COL6A2: variants seen among roughly 807,000 people sequenced by gnomAD.
The protein encoded by COL6A2 is collagen type VI alpha 2 chain, also known as collagen alpha-2(VI) chain.
A neutral mutation model predicts 124.9 loss-of-function variants in COL6A2; 90 were observed. The observed-to-expected ratio is 0.72, with a 90% CI of 0.61 to 0.86. The LOEUF is 0.86. COL6A2 is among the 40% of genes least tolerant of loss of function. COL6A2 has a pLI of 0.00. For synonymous variants in COL6A2, 793 were observed against 618.2 expected (o/e 1.28, Z -4.19); for missense variants, 1,607 against 1,502.5 (o/e 1.07, Z -1.15).
At chr21:46,122,423 G>A in intron 19 of COL6A2, 73 bp from the exon 20 acceptor site, 1 of 1,594,472 alleles carries the variant, frequency 6.3e-7, no homozygotes, top group East Asian at 2.2e-5. Context: ...CGGGGCTGCA[G>A]AAAGCTGCCC....
rs938934956 is a variant in COL6A2 at position 46,116,411 on chromosome 21, T to C, written c.927+8T>C. 1.2e-6 allele frequency: 2 copies of C among 1,612,718 alleles called. No individual in the cohort carries two copies. Among genetic ancestry groups the C allele is most frequent in the South Asian group, 1.1e-5 (1 of 91,066 alleles). The stretch of plus-strand genomic sequence containing the variant: ...GGCTTCAAAGGAGAGAAGGTGAGGC[T>C]CTTGCCCTGACAGACCTCAGACCTG... On this transcript the variant is annotated splice_region_variant and intron_variant, in intron 8 of 27. Transcript: ENST00000300527. This position sits in a 1 kb window ranked among gnomAD's most constrained non-coding sequence, Gnocchi z 4.6.
In COL6A2 at chr21:46,132,220, T is replaced by C. The variant is rs554257211; in HGVS notation, c.2728T>C (p.Tyr910His). ...CCACGAGGCGCTGGAGACCACACAA[T>C]ACCTGAACTCCTTCTCGCACGTGGG... ...AIHEALETTQ[Y>H]LNSFSHVGAG... Residue 910 changes from tyrosine (Y) to histidine (H), a missense_variant, in exon 28 of 28, where the codon TAC becomes CAC. Coordinates refer to ENST00000300527, the MANE Select transcript of COL6A2 (RefSeq NM_001849.4). 15 of 1,595,090 alleles carry C rather than the reference T, an allele frequency of 9.4e-6. No individual in the cohort carries two copies. In the South Asian group the frequency reaches 1.5e-4, roughly 16 times the overall value.
intron 21 of COL6A2, among the ~76,000 whole-genome samples, chr21:46,123,624 G>A (rs889902908): frequency 2.0e-5 from 3 of 149,106 alleles, no homozygotes; most frequent in African/African-American, 7.3e-5. Flanking sequence ...TGGATTGCTG[G>A]ATGAGTGGGT....
At chr21:46,111,270 G>A (rs2078394484) in intron 1 of COL6A2, 180 bp from the exon 2 acceptor site, 2 of 559,480 alleles carry the variant, frequency 3.6e-6, no homozygotes, top group Non-Finnish European at 6.4e-6. Context: ...GGGGCAAGAG[G>A]GCGCAAGCCC....
At position 46,132,415 on chromosome 21, in the gene COL6A2, G is replaced by A. The variant is rs777494468; in HGVS notation, c.2923G>A (p.Ala975Thr). 8.7e-6 allele frequency: 14 copies of A among 1,607,504 alleles called. No individual in the cohort carries two copies. Among genetic ancestry groups the A allele is most frequent in the Non-Finnish European group, 1.0e-5 (12 of 1,177,624 alleles). ...RKQNVVPTVLALGSDVDMDVL... is the reference protein window; with the variant it reads ...RKQNVVPTVLTLGSDVDMDVL... ...GCAGAACGTGGTACCCACCGTGCTGGCCTTGGGCAGCGACGTGGACATGGA... is the reference window on the plus strand; with the variant it reads ...GCAGAACGTGGTACCCACCGTGCTGACCTTGGGCAGCGACGTGGACATGGA... Residue 975 changes from alanine to threonine, a missense_variant, in exon 28 of 28, where the codon GCC becomes ACC. By Grantham distance (58) the Ala-to-Thr change is moderately conservative. Transcript: ENST00000300527.
chr21:46,129,146 G>A (rs757610408), intron 27 of COL6A2: 1 of 1,611,118 alleles, frequency 6.2e-7, no homozygotes, highest in Admixed American at 1.7e-5. Flanking sequence ...GGAGCTCTAG[G>A]CCGACGCCCA....
chr21:46,124,969 G>A (rs1421532409), intron 23 of COL6A2, 49 bp downstream of exon 23: 1 of 1,607,444 alleles, frequency 6.2e-7, no homozygotes, highest in Non-Finnish European at 8.5e-7. Context: ...GCCAAAACTA[G>A]ACACCAAGAG....
intron 27 of COL6A2, among the ~76,000 whole-genome samples, chr21:46,130,296 G>C (rs575091369): frequency 6.6e-6 from 1 of 152,234 alleles, no homozygotes; most frequent in Non-Finnish European, 1.5e-5. Flanking sequence ...AACCTCTGCG[G>C]TCCTCAGAGG....
chr21:46,113,640 G>T (rs927391221), intron 4 of COL6A2: 2 of 369,068 alleles, frequency 5.4e-6, no homozygotes, highest in African/African-American at 2.1e-5. Context: ...GCCCAGCCTG[G>T]TCTCTAACTC....
intron 1 of COL6A2, among the ~76,000 whole-genome samples, chr21:46,100,200 C>T (rs374288772): frequency 6.6e-6 from 1 of 152,174 alleles, no homozygotes; most frequent in African/African-American, 2.4e-5. Context: ...CTGGCTCAAG[C>T]GAGCCTCCAC....
rs761223861 is a variant in COL6A2, at chr21:46,112,791, G to C, written c.715-13G>C. 1.9e-6 allele frequency: 3 copies of C among 1,613,840 alleles called. No homozygotes were observed. The Admixed American group carries it at 5.0e-5, about 27-fold the overall frequency. ...AGGCACACGGCTAACCAGCATGTCT[G>C]TCTTTTCTGCAGAAACACGAAGCCT... On this transcript the variant is annotated splice_polypyrimidine_tract_variant and intron_variant, in intron 3 of 27. Coordinates refer to ENST00000300527, the MANE Select transcript of COL6A2 (RefSeq NM_001849.4).
At chr21:46,122,759 GCTCCCGTTTAAAGGAC>G in intron 20 of COL6A2, 100 bp from the exon 21 acceptor site, 1 of 1,128,160 alleles carries the variant, frequency 8.9e-7, no homozygotes, top group Non-Finnish European at 1.3e-6. Flanking sequence ...CCACATAGAT[GCTCCCGTTTAAAGGAC>G]CCCAAAATGC....
intron 27 of COL6A2, chr21:46,128,996 G>C (rs2078718256): frequency 1.2e-6 from 2 of 1,605,312 alleles, no homozygotes; most frequent in African/African-American, 1.4e-5. Context: ...CTCCCTGCCA[G>C]CTTCCTGTCC....
chr21:46,131,958 G>A lies in COL6A2; in HGVS notation c.2466G>A (p.Leu822=), dbSNP rs765780130. ...VCPDLPCQTE[L]SVAQCTQRPV... ...CGCACCTGCGTCTCCCCACAGAGCT[G>A]TCCGTGGCACAGTGCACGCAGCGGC... Residue 822 remains leucine (L), a synonymous_variant, in exon 28 of 28, where the codon CTG becomes CTA. Transcript: ENST00000300527. 6.2e-6 allele frequency: 10 copies of A among 1,601,366 alleles called. No homozygotes were observed. Among genetic ancestry groups the A allele is most frequent in the Non-Finnish European group, 8.5e-6 (10 of 1,176,004 alleles).
In COL6A2 at chr21:46,116,114, T is replaced by TC. The variant is rs958022560; in HGVS notation, c.900+67dup. On this transcript the variant is annotated intron_variant, in intron 7 of 27. Transcript: ENST00000300527. The surrounding 1 kb of genome is among the most constrained non-coding windows in gnomAD (Gnocchi z 4.6). ...GAGGCCCCAGCACTGCCAGGCAGGC[T>TC]CCCCCCAGCCCAGCCTCGGCCTCAG... 2.0e-6 allele frequency: 3 copies of TC among 1,514,448 alleles called. No homozygotes were observed. The highest frequency in any genetic ancestry group is 2.7e-6 in the Non-Finnish European group (3 of 1,115,622). 93.8% of individuals were successfully genotyped at this position (1,514,448 alleles called of 1,614,324 possible).
At chr21:46,129,186 T>G (rs1386170570) in intron 27 of COL6A2, 14 of 1,612,794 alleles carry the variant, frequency 8.7e-6, no homozygotes, top group Non-Finnish European at 1.1e-5. Context: ...CTCTGGACGC[T>G]CCCTTGCAGA....
At chr21:46,102,708 T>A (rs1401488181) in intron 1 of COL6A2, among the ~76,000 whole-genome samples, 2 of 72,002 alleles carry the variant, frequency 2.8e-5, no homozygotes, top group Admixed American at 1.1e-4. Context: ...ATTGATTGAT[T>A]TTTTTTTTTT....
chr21:46,132,741 T>TCC lies in COL6A2; in HGVS notation c.*190_*191dup. 1.7e-6 allele frequency: 1 copy of TCC among 597,262 alleles called. No individual in the cohort carries two copies. Among genetic ancestry groups the TCC allele is most frequent in the Non-Finnish European group, 2.9e-6 (1 of 349,498 alleles). The allele number at this position is 597,262 out of a possible 1,614,324, so 37.0% of individuals were successfully genotyped here. ...CCCAGCCCCAGGTCTCCCCAGGCCC[T>TCC]CCGCAGGCTGCCCGGCCTCCCTCCC... On this transcript the variant is annotated 3_prime_UTR_variant, in exon 28 of 28. Transcript: ENST00000300527.
intron 16 of COL6A2, 76 bp downstream of exon 16, chr21:46,120,653 G>T (rs553214460): frequency 7.3e-7 from 1 of 1,364,512 alleles, no homozygotes; most frequent in South Asian, 1.5e-5. Context: ...CCAAGGTAGG[G>T]TGGCCGGGAC....
Sources: allele counts gnomAD v4.1 joint callset (sites outside exome capture counted in the v4.1 genomes callset), GRCh38; gene constraint gnomAD v4.1.1; non-coding constraint Gnocchi (gnomAD v3.1); transcripts MANE v1.5; gene names NCBI Gene and HGNC (gene_info 2026-07-23, HGNC 2026-07-21).